NMNAT2: variants seen among roughly 807,000 people sequenced by gnomAD.
NMNAT2 encodes nicotinamide/nicotinic acid mononucleotide adenylyltransferase 2.
A neutral mutation model predicts 41.6 loss-of-function variants in NMNAT2; 11 were observed. The ratio of observed to expected loss-of-function variants is 0.26; its 90% CI spans 0.17 to 0.44. NMNAT2 has a LOEUF of 0.44. Ranked by LOEUF, NMNAT2 falls within the 20% of genes least tolerant of loss-of-function variation. The pLI is 1.00. For missense variants in NMNAT2, 288 were observed against 407.7 expected, an observed-to-expected ratio of 0.71 and a Z score of 2.53; for synonymous variants, 148 against 151.2, an observed-to-expected ratio of 0.98 and a Z score of 0.16.
At chr1:183,397,784 C>A (rs150013652) in intron 1 of NMNAT2, among the ~76,000 whole-genome samples, 1 of 152,070 alleles carries the variant, frequency 6.6e-6, no homozygotes, top group African/African-American at 2.4e-5. Context: ...GAATTTTCAA[C>A]GCAGAATTTC....
At chr1:183,352,400 T>TA (rs767086894) in intron 1 of NMNAT2, among the ~76,000 whole-genome samples, 4 of 151,718 alleles carry the variant, frequency 2.6e-5, no homozygotes, top group Non-Finnish European at 4.4e-5. Flanking sequence ...CCATCTCTAC[T>TA]AAAAATACAA....
At chr1:183,318,053 C>T (rs1406146596) in intron 1 of NMNAT2, among the ~76,000 whole-genome samples, 1 of 152,148 alleles carries the variant, frequency 6.6e-6, no homozygotes, top group Non-Finnish European at 1.5e-5. Flanking sequence ...TGTTCTATAG[C>T]CTTCACAAAC....
At chr1:183,388,626 T>C (rs1056593743) in intron 1 of NMNAT2, among the ~76,000 whole-genome samples, 1 of 152,266 alleles carries the variant, frequency 6.6e-6, no homozygotes, top group Non-Finnish European at 1.5e-5. Flanking sequence ...TTCAATTATC[T>C]GTCTTTAATA....
At chr1:183,386,087 T>G (rs1205315636) in intron 1 of NMNAT2, among the ~76,000 whole-genome samples, 5 of 152,056 alleles carry the variant, frequency 3.3e-5, no homozygotes, top group Non-Finnish European at 7.4e-5. Flanking sequence ...ACTTAAAAAT[T>G]TGTTGTGTTT....
chr1:183,316,490 G>T (rs955182337), intron 1 of NMNAT2, among the ~76,000 whole-genome samples: 4 of 152,200 alleles, frequency 2.6e-5, no homozygotes, highest in African/African-American at 9.7e-5. Flanking sequence ...TGTCTGTGGA[G>T]ATCAGATGCT....
At chr1:183,334,246 T>C (rs1429927047) in intron 1 of NMNAT2, among the ~76,000 whole-genome samples, 1 of 152,140 alleles carries the variant, frequency 6.6e-6, no homozygotes, top group Non-Finnish European at 1.5e-5. Context: ...GCTGTATTTT[T>C]AGTAGACACA....
chr1:183,318,773 AAATCCGAT>A (rs1239815197), intron 1 of NMNAT2, among the ~76,000 whole-genome samples: 3 of 152,228 alleles, frequency 2.0e-5, no homozygotes, highest in Admixed American at 6.5e-5. Context: ...GAACTCCCTA[AAATCCGAT>A]ACAGGAGCAG....
At chr1:183,295,207 G>A (rs561879212) in intron 1 of NMNAT2, among the ~76,000 whole-genome samples, 2 of 152,082 alleles carry the variant, frequency 1.3e-5, no homozygotes, top group South Asian at 2.1e-4. Flanking sequence ...TCCACGTGTC[G>A]GCCAGGCTGG....
chr1:183,254,496 T>A (rs1660470221), intron 10 of NMNAT2, among the ~76,000 whole-genome samples: 1 of 152,106 alleles, frequency 6.6e-6, no homozygotes. Flanking sequence ...TGGAGTGCAG[T>A]AGTGAGTCAT....
chr1:183,264,451 G>T (rs1571558903), intron 8 of NMNAT2, among the ~76,000 whole-genome samples: 2 of 152,180 alleles, frequency 1.3e-5, no homozygotes, highest in South Asian at 2.1e-4. Flanking sequence ...ATCACAGATG[G>T]GTCGAGGGAG....
intron 1 of NMNAT2, among the ~76,000 whole-genome samples, chr1:183,410,239 C>T (rs544121498): frequency 6.6e-6 from 1 of 151,818 alleles, no homozygotes; most frequent in Admixed American, 6.6e-5. Context: ...ATGAGAATCA[C>T]TTTAACCCGG....
chr1:183,266,445 A>T (rs542267817), intron 8 of NMNAT2, among the ~76,000 whole-genome samples: 66 of 152,238 alleles, frequency 4.3e-4, no homozygotes, highest in African/African-American at 1.6e-3. Flanking sequence ...TTAAGCCTAA[A>T]TTCTCACCAG....
At chr1:183,301,698 C>G (rs897260764) in intron 1 of NMNAT2, among the ~76,000 whole-genome samples, 1 of 152,204 alleles carries the variant, frequency 6.6e-6, no homozygotes, top group Non-Finnish European at 1.5e-5. Flanking sequence ...TTCCTTATAG[C>G]CTGTGCTGGA....
intron 1 of NMNAT2, among the ~76,000 whole-genome samples, chr1:183,342,899 AATT>A (rs36111392): frequency 0.7 from 101,722 of 145,650 alleles, 35,649 homozygotes; most frequent in East Asian, 0.89. Context: ...ATGACTGGCT[AATT>A]ATTATTATTA....
intron 1 of NMNAT2, among the ~76,000 whole-genome samples, chr1:183,346,462 C>A (rs150628225): frequency 1.3e-5 from 2 of 152,248 alleles, no homozygotes; most frequent in African/African-American, 4.8e-5. Context: ...AGCTTCTGCA[C>A]GAGGCACAAC....
chr1:183,402,524 A>G (rs1648838903), intron 1 of NMNAT2, among the ~76,000 whole-genome samples: 1 of 152,230 alleles, frequency 6.6e-6, no homozygotes, highest in Admixed American at 6.5e-5. Context: ...TGTGCTTCCC[A>G]GGTGGTTCTC....
At chr1:183,311,917 T>C (rs1557874862) in intron 1 of NMNAT2, among the ~76,000 whole-genome samples, 1 of 152,142 alleles carries the variant, frequency 6.6e-6, no homozygotes, top group Non-Finnish European at 1.5e-5. Context: ...GTTCTCGTGA[T>C]AGCAAGTAAG....
At chr1:183,310,723 TCCAGTTTGTCAACCGTG>T (rs1662095510) in intron 1 of NMNAT2, among the ~76,000 whole-genome samples, 1 of 152,096 alleles carries the variant, frequency 6.6e-6, no homozygotes, top group African/African-American at 2.4e-5. Context: ...AATCATCTGG[TCCAGTTTGTCAACCGTG>T]CCAGGGTTGA....
At chr1:183,287,181 C>T (rs1444609562) in intron 4 of NMNAT2, among the ~76,000 whole-genome samples, 1 of 152,152 alleles carries the variant, frequency 6.6e-6, no homozygotes, top group East Asian at 1.9e-4. Context: ...ATGGCAGGAG[C>T]TCTGTCAGCA....
Sources: gnomAD v4.1 joint callset for allele counts (sites outside exome capture counted in the v4.1 genomes callset) on GRCh38, gnomAD v4.1.1 for gene constraint, MANE v1.5 for transcripts, NCBI Gene and HGNC (gene_info 2026-07-23, HGNC 2026-07-21) for gene names.